ADIPOR2: variants seen among roughly 807,000 people sequenced by gnomAD.
The protein encoded by ADIPOR2 is adiponectin receptor protein 2.
A neutral mutation model predicts 40.9 loss-of-function variants in ADIPOR2; 18 were observed. The ratio of observed to expected loss-of-function variants is 0.44; its 90% confidence interval spans 0.30 to 0.65. ADIPOR2 has a LOEUF of 0.65. ADIPOR2 is among the 30% of genes least tolerant of loss of function. The pLI is 0.09. For missense variants in ADIPOR2, 283 were observed against 479.2 expected (o/e 0.59, Z 3.82); for synonymous variants, 165 against 166.4 (o/e 0.99, Z 0.06).
chr12:1,748,812 G>A (rs1301606707), intron 1 of ADIPOR2, among the ~76,000 whole-genome samples: 1 of 151,954 alleles, frequency 6.6e-6, no homozygotes, highest in Non-Finnish European at 1.5e-5. Context: ...AGACTTCTGT[G>A]ATCACACACA....
chr12:1,773,017 G>T (rs1353041113), intron 3 of ADIPOR2, 56 bp downstream of exon 3: 6 of 1,582,990 alleles, frequency 3.8e-6, no homozygotes, highest in Non-Finnish European at 5.2e-6. Flanking sequence ...TTCCAAAACA[G>T]AAACCTTTAA....
intron 6 of ADIPOR2, among the ~76,000 whole-genome samples, chr12:1,781,916 TC>T (rs1240128220): frequency 1.3e-5 from 2 of 152,212 alleles, no homozygotes; most frequent in Non-Finnish European, 2.9e-5. Flanking sequence ...TGAGCATTGG[TC>T]AGGGTCAGCT....
At chr12:1,742,948 C>T (rs1045286151) in intron 1 of ADIPOR2, among the ~76,000 whole-genome samples, 5 of 151,954 alleles carry the variant, frequency 3.3e-5, no homozygotes, top group African/African-American at 2.4e-5. Context: ...TTTTACTTTT[C>T]GATTTTATTT....
intron 1 of ADIPOR2, among the ~76,000 whole-genome samples, chr12:1,711,117 C>T (rs2094675923): frequency 6.6e-6 from 1 of 152,146 alleles, no homozygotes. Context: ...TAAGAAGGTG[C>T]ATAGTCCTCC....
At chr12:1,702,264 G>A (rs2094651901) in intron 1 of ADIPOR2, among the ~76,000 whole-genome samples, 1 of 152,202 alleles carries the variant, frequency 6.6e-6, no homozygotes, top group African/African-American at 2.4e-5. Context: ...ATTTCTGTGT[G>A]TATGTATGTG....
intron 1 of ADIPOR2, among the ~76,000 whole-genome samples, chr12:1,747,730 TTTGA>T (rs368312428): frequency 6.6e-6 from 1 of 152,240 alleles, no homozygotes; most frequent in African/African-American, 2.4e-5. Context: ...ATTTGAACAC[TTTGA>T]TTATGTTATC....
chr12:1,722,010 G>A (rs1432753976), intron 1 of ADIPOR2, among the ~76,000 whole-genome samples: 1 of 151,952 alleles, frequency 6.6e-6, no homozygotes, highest in East Asian at 1.9e-4. Context: ...AGCCAGTGGA[G>A]GGCTGTAGCA....
chr12:1,772,099 G>A (rs1442173487), intron 2 of ADIPOR2, among the ~76,000 whole-genome samples: 2 of 152,160 alleles, frequency 1.3e-5, no homozygotes, highest in Non-Finnish European at 2.9e-5. Context: ...ATGAACCTTG[G>A]TCTGGAGGCA....
chr12:1,727,500 A>G (rs1694754287), intron 1 of ADIPOR2, among the ~76,000 whole-genome samples: 1 of 152,082 alleles, frequency 6.6e-6, no homozygotes, highest in Admixed American at 6.6e-5. Context: ...TTAATTAAAG[A>G]CCTCTCTGGT....
intron 1 of ADIPOR2, among the ~76,000 whole-genome samples, chr12:1,710,568 C>T (rs1379416184): frequency 1.3e-5 from 2 of 152,148 alleles, no homozygotes. Context: ...ACTAAAGACA[C>T]GGGTGTTAGG....
intron 1 of ADIPOR2, among the ~76,000 whole-genome samples, chr12:1,744,321 GTCTTGA>G (rs919264812): frequency 1.3e-5 from 2 of 151,978 alleles, no homozygotes; most frequent in African/African-American, 4.8e-5. Context: ...AGCCAGAATG[GTCTTGA>G]TCTCCTGACA....
intron 1 of ADIPOR2, among the ~76,000 whole-genome samples, chr12:1,695,392 G>A (rs537491283): frequency 3.3e-5 from 5 of 151,436 alleles, no homozygotes; most frequent in Admixed American, 1.3e-4. Flanking sequence ...GGTGGCTAAC[G>A]TCGGTAATCC....
At position 1,786,303 on chromosome 12, in the gene ADIPOR2, C is replaced by A; in HGVS notation, c.*231C>A. Reference sequence around the variant, plus strand: ...AATTGGGAGAAAAGGAGACATAGCCCAAACCCTGGCTTATTCTTGGGATCT... The same window carrying A: ...AATTGGGAGAAAAGGAGACATAGCCAAAACCCTGGCTTATTCTTGGGATCT... On this transcript the variant is annotated 3_prime_UTR_variant, in exon 8 of 8. Coordinates refer to ENST00000357103, the MANE Select transcript of ADIPOR2 (RefSeq NM_024551.3). 2 of 487,872 alleles carry A rather than the reference C, an allele frequency of 4.1e-6. No homozygotes were observed. Among genetic ancestry groups the A allele is most frequent in the Non-Finnish European group, 7.0e-6 (2 of 287,698 alleles). The allele number at this position is 487,872 out of a possible 1,614,324, so 30.2% of individuals were successfully genotyped here.
At position 1,746,663 on chromosome 12, in the gene ADIPOR2, A is replaced by G. The variant is rs529667883; in HGVS notation, c.-86-7595A>G. Among the ~76,000 whole-genome samples, 5 of 152,350 alleles carry G rather than the reference A, an allele frequency of 3.3e-5. No individual in the cohort carries two copies. In the South Asian group the frequency reaches 1.0e-3, roughly 32 times the overall value. ...TCATTGAGCAACAGACAGATCTAAA[A>G]TAATAACTGGAGACTTTAATATGCC... is the stretch of plus-strand genomic sequence containing the variant. On this transcript the variant is annotated intron_variant, in intron 1 of 7. Coordinates refer to ENST00000357103, the MANE Select transcript of ADIPOR2 (RefSeq NM_024551.3).
chr12:1,725,061 A>G (rs1294770297), intron 1 of ADIPOR2, among the ~76,000 whole-genome samples: 1 of 152,144 alleles, frequency 6.6e-6, no homozygotes, highest in Non-Finnish European at 1.5e-5. Context: ...TAAAACTGTA[A>G]ACAGATTTTT....
intron 1 of ADIPOR2, among the ~76,000 whole-genome samples, chr12:1,709,458 A>G (rs1435270462): frequency 2.0e-5 from 3 of 152,194 alleles, no homozygotes; most frequent in African/African-American, 7.2e-5. Context: ...ATTCCTTAAT[A>G]AGTAGTCAGA....
At chr12:1,704,666 A>G (rs1022961954) in intron 1 of ADIPOR2, among the ~76,000 whole-genome samples, 2 of 152,204 alleles carry the variant, frequency 1.3e-5, no homozygotes, top group African/African-American at 4.8e-5. Flanking sequence ...ACATGTATCA[A>G]TACAGTTGTC....
At chr12:1,742,066 G>T (rs1272758169) in intron 1 of ADIPOR2, among the ~76,000 whole-genome samples, 1 of 150,696 alleles carries the variant, frequency 6.6e-6, no homozygotes, top group East Asian at 1.9e-4. Context: ...TCAGAGAATT[G>T]TGAGAGCCAG....
In ADIPOR2 at chr12:1,722,835, A is replaced by G. The variant is rs369389980; in HGVS notation, c.-86-31423A>G. Among the ~76,000 whole-genome samples, 5 of 152,330 alleles carry G rather than the reference A, an allele frequency of 3.3e-5. No individual in the cohort carries two copies. In the East Asian group the frequency reaches 9.6e-4, roughly 29 times the overall value. On this transcript the variant is annotated intron_variant, in intron 1 of 7. Transcript: ENST00000357103. Reference sequence around the variant, plus strand: ...GACATGAGAGTCCTTAGTTTAGGGAAGTTAAGTGACAGTCCAGGTAGAACC... The same window carrying G: ...GACATGAGAGTCCTTAGTTTAGGGAGGTTAAGTGACAGTCCAGGTAGAACC...
Sources: gnomAD v4.1 joint callset for allele counts (sites outside exome capture counted in the v4.1 genomes callset) on GRCh38, gnomAD v4.1.1 for gene constraint, MANE v1.5 for transcripts, NCBI Gene and HGNC (gene_info 2026-07-23, HGNC 2026-07-21) for gene names.